The following SPEF2 variants were observed in gnomAD, a reference collection of about 807,000 sequenced individuals.
The protein encoded by SPEF2 is sperm flagellar and cilia associated 2.
Under a neutral mutation model 224.6 loss-of-function variants are expected in SPEF2, and 187 were observed. The observed-to-expected ratio is 0.83, with a 90% CI of 0.74 to 0.94. The LOEUF (loss-of-function observed/expected upper bound fraction) is 0.94, where lower values mean the gene tolerates loss of function less well. Among genes scored for constraint, SPEF2 ranks in the 40% least tolerant of loss-of-function variants. SPEF2 has a pLI of 0.00. For synonymous variants in SPEF2, 715 were observed against 707.3 expected, an observed-to-expected ratio of 1.01 and a Z score of -0.17; for missense variants, 2,170 against 2,135.6, an observed-to-expected ratio of 1.02 and a Z score of -0.32.
chr5:35,635,668 A>C (rs1745735924), intron 2 of SPEF2, among the ~76,000 whole-genome samples: 1 of 152,156 alleles, frequency 6.6e-6, no homozygotes, highest in South Asian at 2.1e-4. Flanking sequence ...TGGCGAATCC[A>C]ATTTTTCCAA....
At chr5:35,728,803 T>A (rs1745108894) in intron 21 of SPEF2, among the ~76,000 whole-genome samples, 1 of 152,038 alleles carries the variant, frequency 6.6e-6, no homozygotes, top group Non-Finnish European at 1.5e-5. Context: ...GAGCATTAAG[T>A]GATATAATTA....
intron 13 of SPEF2, 90 bp from the exon 14 acceptor site, chr5:35,695,644 CT>C: frequency 1.0e-6 from 1 of 985,916 alleles, no homozygotes; most frequent in East Asian, 2.7e-5. Flanking sequence ...TCTGATAACC[CT>C]TATGTCCAAA....
At chr5:35,756,417 G>T (rs1217938420) in intron 24 of SPEF2, among the ~76,000 whole-genome samples, 1 of 152,114 alleles carries the variant, frequency 6.6e-6, no homozygotes, top group East Asian at 1.9e-4. Context: ...GAACTGAAGG[G>T]AGCCTTATTT....
chr5:35,622,395 C>T (rs1052622663), intron 1 of SPEF2, among the ~76,000 whole-genome samples: 3 of 152,100 alleles, frequency 2.0e-5, no homozygotes, highest in African/African-American at 7.2e-5. Flanking sequence ...TATTTTTATG[C>T]AATAGTTCAT....
chr5:35,714,735 T>C (rs888499856), intron 20 of SPEF2, among the ~76,000 whole-genome samples: 4 of 146,042 alleles, frequency 2.7e-5, no homozygotes, highest in African/African-American at 1.0e-4. Context: ...CCCTGACTGC[T>C]TCCCTACTGC....
chr5:35,789,513 C>T (rs922140926), intron 30 of SPEF2: 138 of 650,636 alleles, frequency 2.1e-4, no homozygotes, highest in Non-Finnish European at 3.4e-4. Flanking sequence ...GCCAAAAGAA[C>T]GCATGGTGGA....
intron 21 of SPEF2, among the ~76,000 whole-genome samples, chr5:35,728,427 A>T (rs1431030197): frequency 1.3e-5 from 2 of 152,216 alleles, no homozygotes; most frequent in Admixed American, 6.5e-5. Context: ...AGTCCACAGA[A>T]TGGTCCTTCC....
intron 30 of SPEF2, among the ~76,000 whole-genome samples, chr5:35,781,084 G>A (rs959142499): frequency 1.5e-4 from 23 of 151,944 alleles, no homozygotes; most frequent in Non-Finnish European, 8.8e-5. Context: ...TTCAGACTAT[G>A]GGAGAAATAA....
chr5:35,766,094 T>C (rs1027266766), intron 26 of SPEF2, among the ~76,000 whole-genome samples: 15 of 152,088 alleles, frequency 9.9e-5, no homozygotes, highest in African/African-American at 3.1e-4. Context: ...TCTGTAATTT[T>C]CCTTTCTCAT....
At chr5:35,660,022 T>G (rs544974501) in intron 8 of SPEF2, among the ~76,000 whole-genome samples, 1 of 152,336 alleles carries the variant, frequency 6.6e-6, no homozygotes, top group East Asian at 1.9e-4. Context: ...AACTCACATC[T>G]GGGCTGCTAG....
intron 19 of SPEF2, chr5:35,710,537 A>G: frequency 1.1e-6 from 1 of 950,802 alleles, no homozygotes; most frequent in Non-Finnish European, 1.3e-6. Flanking sequence ...AGCCTGGGGG[A>G]TAGAGTGAAA....
intron 16 of SPEF2, among the ~76,000 whole-genome samples, chr5:35,701,527 A>G (rs1321811460): frequency 6.6e-6 from 1 of 152,116 alleles, no homozygotes; most frequent in Non-Finnish European, 1.5e-5. Flanking sequence ...GAAATCAACA[A>G]ATGATTGCCT....
intron 15 of SPEF2, chr5:35,698,054 G>A (rs1755587427): frequency 4.2e-6 from 1 of 236,468 alleles, no homozygotes; most frequent in Non-Finnish European, 8.1e-6. Flanking sequence ...AATTCAATGA[G>A]AAATTGAGTA....
At chr5:35,641,785 A>G (rs2149402511) in intron 3 of SPEF2, 102 bp downstream of exon 3, 4 of 1,236,300 alleles carry the variant, frequency 3.2e-6, no homozygotes, top group South Asian at 1.5e-5. Context: ...TTAGGCATAT[A>G]TATCCTTTAT....
intron 2 of SPEF2, among the ~76,000 whole-genome samples, chr5:35,637,057 TTGTC>T (rs1159498381): frequency 5.3e-5 from 8 of 152,070 alleles, no homozygotes; most frequent in African/African-American, 1.9e-4. Context: ...TCAAATCTGT[TTGTC>T]TGCTTTGATG....
intron 24 of SPEF2, among the ~76,000 whole-genome samples, chr5:35,754,553 G>T (rs771299374): frequency 1.3e-5 from 2 of 152,232 alleles, no homozygotes; most frequent in Non-Finnish European, 2.9e-5. Context: ...GGGAGATAGA[G>T]TCCCTGTCTT....
At chr5:35,783,924 G>T (rs4869476) in intron 30 of SPEF2, among the ~76,000 whole-genome samples, 1 of 151,932 alleles carries the variant, frequency 6.6e-6, no homozygotes, top group Non-Finnish European at 1.5e-5. Flanking sequence ...TAAGCCCATC[G>T]GTACTCAATG....
At chr5:35,786,645 C>A (rs903047808) in intron 30 of SPEF2, among the ~76,000 whole-genome samples, 15 of 151,514 alleles carry the variant, frequency 9.9e-5, no homozygotes. Flanking sequence ...TGGGCGACAG[C>A]GGGAGACTCC....
intron 20 of SPEF2, among the ~76,000 whole-genome samples, chr5:35,722,120 C>A (rs1247637055): frequency 6.6e-6 from 1 of 151,926 alleles, no homozygotes; most frequent in African/African-American, 2.4e-5. Context: ...TTAAAAATGT[C>A]TGGGAAAGAA....
Sources: gnomAD v4.1 joint callset for allele counts (sites outside exome capture counted in the v4.1 genomes callset) on GRCh38, gnomAD v4.1.1 for gene constraint, MANE v1.5 for transcripts, NCBI Gene and HGNC (gene_info 2026-07-23, HGNC 2026-07-21) for gene names.